The following YBEY variants were observed in gnomAD, a reference collection of about 807,000 sequenced individuals.
The protein encoded by YBEY is ybeY metalloendoribonuclease, also known as endoribonuclease YbeY.
Under a neutral mutation model 13.5 loss-of-function variants are expected in YBEY, and 15 were observed. That is an observed-to-expected ratio of 1.11 (90% CI 0.75 to 1.72). The LOEUF is 1.72. YBEY is among the 40% of genes most tolerant of loss of function. The probability of loss-of-function intolerance (pLI) is 0.00; values close to 1 mark genes in which losing one functional copy is unlikely to be tolerated. For synonymous variants in YBEY, 101 were observed against 83.1 expected (o/e 1.21, Z -1.17); for missense variants, 244 against 208.4 (o/e 1.17, Z -1.05).
the YBEY span, chr21:46,311,632 C>T: frequency 1.1e-6 from 1 of 918,586 alleles, no homozygotes; most frequent in South Asian, 1.8e-5. Context: ...CAGTATCTAC[C>T]ACCCATCCAT....
rs913402185 is a variant in YBEY at position 46,291,333 on chromosome 21, G to A, written c.211-1G>A. The A allele has an allele frequency of 1.9e-6, 3 of 1,613,372 alleles. No individual in the cohort carries two copies. The highest frequency in any genetic ancestry group is 2.7e-5 in the African/African-American group (2 of 74,838). On this transcript the variant is annotated splice_acceptor_variant, in intron 2 of 4. Coordinates refer to ENST00000397701, the MANE Select transcript of YBEY (RefSeq NM_001314025.2). LOFTEE classifies it high-confidence loss of function. ...TAAGTCTACATTTCCTCATTTTTTA[G>A]CATCTGAAAGCAGGTGAATTTCCCC...
At chr21:46,298,148 C>T (rs1013901088), downstream of YBEY, among the ~76,000 whole-genome samples, 7 of 152,366 alleles carry the variant, frequency 4.6e-5, no homozygotes, top group South Asian at 1.4e-3. Context: ...GGCCGCCGAG[C>T]AGCACCTCAG....
intron 4 of YBEY, among the ~76,000 whole-genome samples, chr21:46,296,590 C>G (rs1371287077): frequency 6.6e-6 from 1 of 152,168 alleles, no homozygotes; most frequent in Non-Finnish European, 1.5e-5. Flanking sequence ...CCATGCGCTC[C>G]GCCTACGGAG....
chr21:46,287,127 A>G lies in YBEY; in HGVS notation c.210+4A>G. The G allele has an allele frequency of 6.3e-7, 1 of 1,585,266 alleles. No homozygotes were observed. Among genetic ancestry groups the G allele is most frequent in the Non-Finnish European group, 8.6e-7 (1 of 1,166,792 alleles). ...GCTTTCTTTTCCATTTCATGAGGTA[A>G]AAAAAAAATGTTCCTCTTCTTGTCT... On this transcript the variant is annotated splice_donor_region_variant and intron_variant, in intron 2 of 4. Coordinates refer to ENST00000397701, the MANE Select transcript of YBEY (RefSeq NM_001314025.2).
chr21:46,307,294 G>C, the YBEY span, among the ~76,000 whole-genome samples: 3 of 152,184 alleles, frequency 2.0e-5, no homozygotes, highest in Non-Finnish European at 2.9e-5. Flanking sequence ...TGACAGGCAT[G>C]AGCCACTGTG....
At chr21:46,308,504 C>G in the YBEY span, among the ~76,000 whole-genome samples, 1 of 152,238 alleles carries the variant, frequency 6.6e-6, no homozygotes, top group East Asian at 1.9e-4. Context: ...CATTTCACTT[C>G]TAGGTATTTA....
intron 4 of YBEY, 84 bp from the exon 5 acceptor site, chr21:46,297,455 G>C (rs2081990568): frequency 5.6e-6 from 7 of 1,245,720 alleles, no homozygotes; most frequent in South Asian, 2.5e-5. Flanking sequence ...AACCCTGTGG[G>C]AGGGGCATCC....
downstream of YBEY, chr21:46,300,728 T>G (rs1187561000): frequency 6.2e-6 from 8 of 1,288,462 alleles, no homozygotes. Flanking sequence ...CCTGCAAACT[T>G]TCAAAGATGG....
chr21:46,299,979 G>A (rs975402304), downstream of YBEY, among the ~76,000 whole-genome samples: 5 of 151,946 alleles, frequency 3.3e-5, no homozygotes, highest in Non-Finnish European at 7.4e-5. Context: ...CACCCCTCCT[G>A]CAGGCCAGTC....
intron 1 of YBEY, 103 bp downstream of exon 1, chr21:46,286,518 ACCTGTCCCCTCT>A (rs1323250116): frequency 6.1e-6 from 1 of 164,952 alleles, no homozygotes; most frequent in African/African-American, 2.6e-5. Context: ...CCCAACGCTT[ACCTGTCCCCTCT>A]CCTGTCCCTC....
chr21:46,303,855 C>T, the YBEY span, among the ~76,000 whole-genome samples: 1 of 144,904 alleles, frequency 6.9e-6, no homozygotes, highest in Non-Finnish European at 1.5e-5. Flanking sequence ...GGGTTCACGC[C>T]ATTCTCCTGC....
chr21:46,288,626 C>T (rs909106440), intron 2 of YBEY, among the ~76,000 whole-genome samples: 10 of 151,698 alleles, frequency 6.6e-5, no homozygotes, highest in Admixed American at 4.6e-4. Context: ...TTGCAGTGAG[C>T]TGAGATTGCA....
At chr21:46,301,635 C>A, downstream of YBEY, 1 of 1,069,504 alleles carries the variant, frequency 9.4e-7, no homozygotes, top group Non-Finnish European at 1.1e-6. Flanking sequence ...TTTCATCAGG[C>A]TGGTGGCGTC....
chr21:46,290,977 G>A (rs13050850), intron 2 of YBEY, among the ~76,000 whole-genome samples: 57,895 of 145,570 alleles, frequency 0.4, 12,088 homozygotes, highest in Admixed American at 0.47. Context: ...CCCAGGAGGC[G>A]GACACTCCAG....
At chr21:46,307,386 C>A in the YBEY span, among the ~76,000 whole-genome samples, 1 of 152,096 alleles carries the variant, frequency 6.6e-6, no homozygotes, top group Admixed American at 6.6e-5. Flanking sequence ...CCCATTCACA[C>A]ACACCCCTAC....
chr21:46,292,619 G>A (rs867451360), intron 3 of YBEY, among the ~76,000 whole-genome samples: 8 of 112,564 alleles, frequency 7.1e-5, no homozygotes, highest in South Asian at 3.4e-4. Context: ...GGACTCAGTG[G>A]GGACAGCCAC....
intron 1 of YBEY, 158 bp from the exon 2 acceptor site, chr21:46,286,712 A>G: frequency 1.8e-6 from 1 of 547,798 alleles, no homozygotes; most frequent in Non-Finnish European, 3.2e-6. Context: ...CCTTCCATAG[A>G]CCCTCGTTGT....
downstream of YBEY, chr21:46,301,010 C>A: frequency 1.1e-6 from 1 of 930,350 alleles, no homozygotes; most frequent in East Asian, 6.8e-5. Flanking sequence ...CCAGCACTCA[C>A]CTTTGCTTTA....
At chr21:46,289,903 G>A (rs2081623684) in intron 2 of YBEY, among the ~76,000 whole-genome samples, 1 of 149,698 alleles carries the variant, frequency 6.7e-6, no homozygotes, top group Non-Finnish European at 1.5e-5. Context: ...GTGCGTGTAA[G>A]GTTGTCATAG....
Sources: allele counts gnomAD v4.1 joint callset (sites outside exome capture counted in the v4.1 genomes callset), GRCh38; gene constraint gnomAD v4.1.1; transcripts MANE v1.5; gene names NCBI Gene and HGNC (gene_info 2026-07-23, HGNC 2026-07-21).